Variants in TRAK1 observed in about 807,000 individuals in gnomAD.
The protein encoded by TRAK1 is trafficking kinesin-binding protein 1.
In TRAK1, 33 loss-of-function variants were observed where a neutral mutation model predicts 92.1. The observed-to-expected ratio is 0.36, with a 90% CI of 0.27 to 0.48. The LOEUF (loss-of-function observed/expected upper bound fraction) is 0.48. TRAK1 is among the 20% of genes least tolerant of loss of function. The pLI is 0.99. For synonymous variants in TRAK1, 521 were observed against 517.3 expected, an observed-to-expected ratio of 1.01 and a Z score of -0.10; for missense variants, 1,123 against 1,257.9, an observed-to-expected ratio of 0.89 and a Z score of 1.62.
intron 1 of TRAK1, among the ~76,000 whole-genome samples, chr3:42,095,122 G>C (rs561614801): frequency 8.5e-5 from 13 of 152,194 alleles, no homozygotes; most frequent in Non-Finnish European, 1.8e-4. Flanking sequence ...CCCAGTCAAG[G>C]AGACACATAT....
chr3:42,184,044 C>T (rs1704431802), intron 3 of TRAK1, among the ~76,000 whole-genome samples: 1 of 152,182 alleles, frequency 6.6e-6, no homozygotes, highest in South Asian at 2.1e-4. Context: ...CATAACGTCT[C>T]CGTTTTGAAA....
Position 42,188,025 on chromosome 3 carries a change from G to A in TRAK1, c.481-20G>A. On this transcript the variant is annotated intron_variant, in intron 4 of 15. Coordinates refer to ENST00000327628, the MANE Select transcript of TRAK1 (RefSeq NM_001042646.3). ...ATCACCTTTTGGGAAGCAAATGATG[G>A]GCCTGCTCTGCTTGTGCAGGTGTCT... is the stretch of plus-strand genomic sequence containing the variant. The A allele has an allele frequency of 1.9e-6, 3 of 1,609,470 alleles. No homozygotes were observed. The highest frequency in any genetic ancestry group is 2.6e-6 in the Non-Finnish European group (3 of 1,176,444).
At position 42,219,245 on chromosome 3, in the gene TRAK1, T is replaced by G. The variant is rs933704613; in HGVS notation, c.1964-249T>G. On this transcript the variant is annotated intron_variant, in intron 14 of 15. Transcript: ENST00000327628. ...GGATCCACTACTGGCCCAAGAATACTGATGAGAAACCTAGTCTGGATTGGG... is the reference window on the plus strand; with the variant it reads ...GGATCCACTACTGGCCCAAGAATACGGATGAGAAACCTAGTCTGGATTGGG... The G allele has an allele frequency of 2.4e-5, 23 of 970,790 alleles. No individual in the cohort carries two copies. In the South Asian group the frequency reaches 3.4e-4, roughly 14 times the overall value. 60.1% of individuals were successfully genotyped at this position (970,790 alleles called of 1,614,324 possible).
chr3:42,204,542 C>A (rs1260339743), intron 13 of TRAK1, among the ~76,000 whole-genome samples: 1 of 152,148 alleles, frequency 6.6e-6, no homozygotes, highest in East Asian at 1.9e-4. Flanking sequence ...GATACAGATT[C>A]TTTTGATTCC....
At chr3:42,161,478 G>A (rs1559854605) in intron 2 of TRAK1, among the ~76,000 whole-genome samples, 1 of 151,912 alleles carries the variant, frequency 6.6e-6, no homozygotes, top group Non-Finnish European at 1.5e-5. Context: ...CTGGGCTCAA[G>A]CGATCCTCCC....
chr3:42,066,938 T>G (rs1249695857), intron 1 of TRAK1, among the ~76,000 whole-genome samples: 4 of 152,204 alleles, frequency 2.6e-5, no homozygotes, highest in African/African-American at 9.6e-5. Context: ...CACTGTTTCC[T>G]GGGGGATTCT....
At chr3:42,195,251 C>T (rs189941386) in intron 10 of TRAK1, among the ~76,000 whole-genome samples, 151 of 152,314 alleles carry the variant, frequency 9.9e-4, no homozygotes, top group Non-Finnish European at 1.8e-3. Flanking sequence ...ACAGGTTGAG[C>T]ATCTCTAATC....
intron 1 of TRAK1, among the ~76,000 whole-genome samples, chr3:42,047,896 A>G (rs1702818999): frequency 6.9e-6 from 1 of 144,782 alleles, no homozygotes; most frequent in African/African-American, 2.5e-5. Flanking sequence ...TAGCTTTTTA[A>G]AACACTCCCC....
chr3:42,021,060 T>C (rs967168602), intron 1 of TRAK1, among the ~76,000 whole-genome samples: 1 of 152,170 alleles, frequency 6.6e-6, no homozygotes, highest in African/African-American at 2.4e-5. Context: ...ACTGGAGAAT[T>C]AAAAACTCAA....
At chr3:42,175,557 A>C (rs1275051801) in intron 2 of TRAK1, among the ~76,000 whole-genome samples, 1 of 152,102 alleles carries the variant, frequency 6.6e-6, no homozygotes, top group East Asian at 1.9e-4. Context: ...CTCTGGTGGC[A>C]CTGTCTTGGT....
At chr3:42,138,041 T>C (rs1416587496) in intron 2 of TRAK1, among the ~76,000 whole-genome samples, 3 of 152,324 alleles carry the variant, frequency 2.0e-5, no homozygotes, top group African/African-American at 7.2e-5. Flanking sequence ...TTTCTCTGTA[T>C]TGCAAAATAG....
chr3:42,014,626 C>T (rs114054162), intron 1 of TRAK1, among the ~76,000 whole-genome samples: 384 of 152,314 alleles, frequency 2.5e-3, no homozygotes, highest in African/African-American at 9.0e-3. Context: ...TGTATCGTTT[C>T]TTCTTTTGTA....
intron 1 of TRAK1, among the ~76,000 whole-genome samples, chr3:42,030,034 G>A (rs1270252885): frequency 2.6e-5 from 4 of 151,916 alleles, no homozygotes; most frequent in African/African-American, 9.7e-5. Context: ...AGGGACAGGA[G>A]CAGCCAAGGG....
chr3:42,148,307 A>G (rs1699569292), intron 2 of TRAK1, among the ~76,000 whole-genome samples: 1 of 152,188 alleles, frequency 6.6e-6, no homozygotes, highest in Admixed American at 6.5e-5. Context: ...AGCCTTCCAC[A>G]GCAAGAATTA....
chr3:42,184,558 T>C, intron 3 of TRAK1, 127 bp from the exon 4 acceptor site: 1 of 936,194 alleles, frequency 1.1e-6, no homozygotes, highest in Admixed American at 2.1e-5. Flanking sequence ...CTAACACAGA[T>C]GGTGAATTAT....
chr3:42,093,826 C>T (rs1245161566), intron 1 of TRAK1, among the ~76,000 whole-genome samples: 1 of 150,526 alleles, frequency 6.6e-6, no homozygotes, highest in Non-Finnish European at 1.5e-5. Context: ...CCTCAACCTC[C>T]TGAATAGCTG....
At chr3:42,207,744 G>A (rs970925484) in intron 13 of TRAK1, among the ~76,000 whole-genome samples, 9 of 152,166 alleles carry the variant, frequency 5.9e-5, no homozygotes, top group African/African-American at 1.9e-4. Context: ...CGAAGCCCCG[G>A]CGTTGTTTGC....
intron 1 of TRAK1, among the ~76,000 whole-genome samples, chr3:42,094,358 C>CG (rs1485892809): frequency 2.0e-5 from 3 of 152,198 alleles, no homozygotes; most frequent in Non-Finnish European, 4.4e-5. Flanking sequence ...CAGGCTGAAA[C>CG]TATCAGGAGC....
intron 1 of TRAK1, among the ~76,000 whole-genome samples, chr3:42,116,415 C>T (rs750723197): frequency 2.6e-5 from 4 of 152,240 alleles, no homozygotes; most frequent in Non-Finnish European, 4.4e-5. Context: ...CTGTAAACTG[C>T]ATAGTCCCTT....
Sources: gnomAD v4.1 joint callset for allele counts (sites outside exome capture counted in the v4.1 genomes callset) on GRCh38, gnomAD v4.1.1 for gene constraint, MANE v1.5 for transcripts, NCBI Gene and HGNC (gene_info 2026-07-23, HGNC 2026-07-21) for gene names.